PLCG2: variants seen among roughly 807,000 people sequenced by gnomAD.
The protein encoded by PLCG2 is phospholipase C gamma 2, also known as 1-phosphatidylinositol 4,5-bisphosphate phosphodiesterase gamma-2.
Under a neutral mutation model 175.6 loss-of-function variants are expected in PLCG2, and 69 were observed. The observed-to-expected ratio is 0.39, with a 90% CI of 0.32 to 0.48. PLCG2 has a LOEUF of 0.48. Among genes scored for constraint, PLCG2 ranks in the 20% least tolerant of loss-of-function variants. PLCG2 has a pLI of 0.91. For synonymous variants in PLCG2, 827 were observed against 624.0 expected (o/e 1.33, Z -4.85); for missense variants, 1,798 against 1,650.9 (o/e 1.09, Z -1.54).
At chr16:81,778,027 A>G (rs1189236676), upstream of PLCG2, among the ~76,000 whole-genome samples, 1 of 83,322 alleles carries the variant, frequency 1.2e-5, no homozygotes, top group East Asian at 2.6e-4. Context: ...AAAAAAAAAA[A>G]AAAACAAAAA....
intron 1 of PLCG2, among the ~76,000 whole-genome samples, chr16:81,781,865 T>TCCCCCCCCC (rs11355840): frequency 2.7e-5 from 1 of 36,676 alleles, no homozygotes; most frequent in African/African-American, 1.1e-4. Flanking sequence ...TCATGTCCTT[T>TCCCCCCCCC]CCCCCCCCCC....
At chr16:81,784,863 C>G (rs1416969174) in intron 1 of PLCG2, among the ~76,000 whole-genome samples, 2 of 152,118 alleles carry the variant, frequency 1.3e-5, no homozygotes, top group African/African-American at 4.8e-5. Context: ...CGCCTTCACT[C>G]TAAGTCCTAT....
At chr16:81,899,428 T>C (rs183619534) in intron 13 of PLCG2, among the ~76,000 whole-genome samples, 2 of 152,104 alleles carry the variant, frequency 1.3e-5, no homozygotes, top group African/African-American at 2.4e-5. Context: ...TGGATTCTAC[T>C]TGCTAAAATT....
chr16:81,932,010 G>A (rs1197369528), intron 25 of PLCG2, among the ~76,000 whole-genome samples: 1 of 152,176 alleles, frequency 6.6e-6, no homozygotes, highest in Admixed American at 6.5e-5. Context: ...AAAGCAGTCT[G>A]GATCCTCCTG....
chr16:81,804,386 G>T (rs1194574773), intron 2 of PLCG2, among the ~76,000 whole-genome samples: 2 of 152,176 alleles, frequency 1.3e-5, no homozygotes, highest in Non-Finnish European at 2.9e-5. Flanking sequence ...CAACTTTTCT[G>T]GGCCCCAGCA....
intron 8 of PLCG2, among the ~76,000 whole-genome samples, chr16:81,882,555 T>G (rs1208785790): frequency 1.3e-5 from 2 of 152,096 alleles, no homozygotes; most frequent in Admixed American, 6.6e-5. Flanking sequence ...GTCTGGGTAT[T>G]GGATAGGCAC....
At chr16:81,775,774 C>G (rs976528765), upstream of PLCG2, among the ~76,000 whole-genome samples, 1 of 152,160 alleles carries the variant, frequency 6.6e-6, no homozygotes, top group African/African-American at 2.4e-5. Context: ...ATCCACTTCC[C>G]TTTTTCTTTC....
intron 31 of PLCG2, among the ~76,000 whole-genome samples, chr16:81,947,532 C>T (rs1242364251): frequency 6.6e-6 from 1 of 152,168 alleles, no homozygotes; most frequent in Non-Finnish European, 1.5e-5. Flanking sequence ...TCACCATATC[C>T]TCTGGAAGCC....
At chr16:81,889,096 C>A in intron 9 of PLCG2, 76 bp from the exon 10 acceptor site, 1 of 873,348 alleles carries the variant, frequency 1.1e-6, no homozygotes. Flanking sequence ...TCGATTGCGA[C>A]TGGATGGACC....
At chr16:81,806,444 C>G (rs891845750) in intron 2 of PLCG2, among the ~76,000 whole-genome samples, 6 of 151,826 alleles carry the variant, frequency 4.0e-5, no homozygotes, top group Non-Finnish European at 7.4e-5. Context: ...TTGCTGGGCC[C>G]GAGCATCCAG....
chr16:81,822,792 G>A (rs1057087233), intron 2 of PLCG2, among the ~76,000 whole-genome samples: 1 of 89,480 alleles, frequency 1.1e-5, no homozygotes, highest in African/African-American at 4.5e-5. Flanking sequence ...GAAAAAGGCA[G>A]GAGATCAGAG....
chr16:81,846,195 G>A (rs545636741), intron 2 of PLCG2, among the ~76,000 whole-genome samples: 22 of 151,804 alleles, frequency 1.4e-4, no homozygotes, highest in African/African-American at 4.6e-4. Context: ...GGTTGTAGTG[G>A]CTGTAAGCCA....
chr16:81,740,138 C>CAAAAAA (rs5818349), intron 1 of PLCG2: 8 of 88,706 alleles, frequency 9.0e-5, no homozygotes, highest in Non-Finnish European at 1.3e-4. Context: ...ACTCTGTCTC[C>CAAAAAA]AAAAAAAAAA....
chr16:81,906,958 A>G (rs542366284), intron 15 of PLCG2, among the ~76,000 whole-genome samples: 2 of 151,144 alleles, frequency 1.3e-5, no homozygotes, highest in Non-Finnish European at 2.9e-5. Context: ...GAATTACTTG[A>G]ACCCGGGAGG....
intron 21 of PLCG2, among the ~76,000 whole-genome samples, chr16:81,923,205 G>A (rs11646679): frequency 5.9e-5 from 9 of 151,832 alleles, no homozygotes; most frequent in Admixed American, 2.0e-4. Flanking sequence ...TAACCCCAGC[G>A]CTAAACCCTA....
chr16:81,778,561 C>T (rs1385691553), upstream of PLCG2, among the ~76,000 whole-genome samples: 1 of 152,182 alleles, frequency 6.6e-6, no homozygotes, highest in Non-Finnish European at 1.5e-5. Flanking sequence ...AACATATTAG[C>T]TTCTTCCCAT....
chr16:81,923,715 C>T (rs1006156577), intron 22 of PLCG2, 121 bp downstream of exon 22: 42 of 605,242 alleles, frequency 6.9e-5, no homozygotes, highest in Admixed American at 1.7e-4. Context: ...GCTTTGACCT[C>T]TTGTGTTAAG....
At chr16:81,754,140 C>T (rs1401204368) in intron 1 of PLCG2, among the ~76,000 whole-genome samples, 1 of 151,972 alleles carries the variant, frequency 6.6e-6, no homozygotes, top group African/African-American at 2.4e-5. Context: ...TAGGGACCCA[C>T]TTCTAGGTTT....
chr16:81,937,619 G>C (rs543998736), intron 27 of PLCG2, 139 bp from the exon 28 acceptor site: 1 of 628,510 alleles, frequency 1.6e-6, no homozygotes, highest in Non-Finnish European at 2.7e-6. Flanking sequence ...TATTTTCTTT[G>C]AGTGAGATAC....
Sources: allele counts gnomAD v4.1 joint callset (sites outside exome capture counted in the v4.1 genomes callset), GRCh38; gene constraint gnomAD v4.1.1; transcripts MANE v1.5; gene names NCBI Gene and HGNC (gene_info 2026-07-23, HGNC 2026-07-21).